Variants in NTSR2 observed in about 807,000 individuals in gnomAD.
The protein encoded by NTSR2 is neurotensin receptor type 2.
Under a neutral mutation model 24.1 loss-of-function variants are expected in NTSR2, and 22 were observed. That is an observed-to-expected ratio of 0.91 (90% CI 0.65 to 1.30). The LOEUF (loss-of-function observed/expected upper bound fraction) is 1.30. NTSR2 is among the 50% of genes most tolerant of loss of function. The probability of loss-of-function intolerance (pLI) is 0.00; values close to 1 mark genes in which losing one functional copy is unlikely to be tolerated. For missense variants in NTSR2, 570 were observed against 570.4 expected, an observed-to-expected ratio of 1.00 and a Z score of 0.01; for synonymous variants, 291 against 267.0, an observed-to-expected ratio of 1.09 and a Z score of -0.88.
At chr2:11,665,165 T>C (rs575002684) in intron 1 of NTSR2, among the ~76,000 whole-genome samples, 197 of 150,584 alleles carry the variant, frequency 1.3e-3, no homozygotes, top group Non-Finnish European at 2.7e-3. Flanking sequence ...CTCCCAGGCA[T>C]TGTGGAAATA....
chr2:11,669,932 C>T lies in NTSR2; in HGVS notation c.198G>A (p.Gly66=), dbSNP rs778093070. 3.7e-4 allele frequency: 568 copies of T among 1,524,834 alleles called. No homozygotes were observed. The highest frequency in any genetic ancestry group is 4.6e-4 in the Non-Finnish European group (527 of 1,142,646). 94.5% of individuals were successfully genotyped at this position (1,524,834 alleles called of 1,614,324 possible). A position where few individuals can be genotyped will look rare whatever the true frequency, so the allele number is the denominator to read the frequency against. The part of the protein sequence containing the change: ...VVLKARAGRA[G]RLRHHVLSLA... ...GGCTGAGCACGTGGTGGCGCAGGCG[C>T]CCCGCGCGCCCGGCCCGCGCCTTCA... The change falls in exon 1 of 4, where the codon GGG becomes GGA. Residue 66 remains glycine, a synonymous_variant. Transcript: ENST00000306928.
chr2:11,661,633 C>A (rs570792532), intron 2 of NTSR2, among the ~76,000 whole-genome samples: 1 of 152,288 alleles, frequency 6.6e-6, no homozygotes, highest in South Asian at 2.1e-4. Flanking sequence ...ATCTGAGAGT[C>A]CACAATTTGC....
chr2:11,658,815 G>T, intron 3 of NTSR2, 93 bp from the exon 4 acceptor site: 1 of 1,383,378 alleles, frequency 7.2e-7, no homozygotes, highest in Non-Finnish European at 9.9e-7. Flanking sequence ...CCAGAGGGCT[G>T]CATGACGAAG....
rs1019047940 is a variant in NTSR2 at position 11,670,137 on chromosome 2, C to T, written c.-8G>A. The T allele has an allele frequency of 8.0e-6, 11 of 1,367,582 alleles. No individual in the cohort carries two copies. The highest frequency in any genetic ancestry group is 1.5e-5 in the African/African-American group (1 of 65,156). 84.7% of individuals were successfully genotyped at this position (1,367,582 alleles called of 1,614,324 possible). ...CGGGCTGCTGGTTTCCATCCCGCTC[C>T]CGCGGCCGGCGCTCCCTCCCTCTCA... On this transcript the variant is annotated 5_prime_UTR_variant, in exon 1 of 4. Coordinates refer to ENST00000306928, the MANE Select transcript of NTSR2 (RefSeq NM_012344.4).
Position 11,669,549 on chromosome 2 carries a change from C to T in NTSR2, c.581G>A (p.Cys194Tyr). The T allele has an allele frequency of 6.5e-7, 1 of 1,542,040 alleles. No homozygotes were observed. Among genetic ancestry groups the T allele is most frequent in the Non-Finnish European group, 8.7e-7 (1 of 1,153,054 alleles). ...DGEPEPASRV[C>Y]TVLVSRTALQ... ...CGCGGTGCGGCTCACCAGCACCGTG[C>T]ACACTCGCGAGGCGGGCTCCGGCTC... The change falls in exon 1 of 4, where the codon TGC (cysteine) becomes TAC (tyrosine). Residue 194 changes from cysteine to tyrosine, a missense_variant. Transcript: ENST00000306928.
intron 1 of NTSR2, 46 bp downstream of exon 1, chr2:11,669,460 G>GGGCGGGGGGGGGGGGCCCCC: frequency 3.9e-6 from 1 of 254,726 alleles, no homozygotes; most frequent in Non-Finnish European, 6.9e-6. Context: ...TCCCAGCACC[G>GGGCGGGGGGGGGGGGCCCCC]CCCCCCCACC....
At chr2:11,663,426 CTGGTA>C (rs966473429) in intron 1 of NTSR2, among the ~76,000 whole-genome samples, 16 of 152,178 alleles carry the variant, frequency 1.1e-4, no homozygotes, top group Admixed American at 9.2e-4. Flanking sequence ...AAAGATGAAA[CTGGTA>C]GATTATCTAA....
rs773177188 is a variant in NTSR2 at position 11,658,553 on chromosome 2, G to T, written c.1159C>A (p.Pro387Thr). The part of the protein sequence containing the change: ...CGEHHPMKRL[P>T]PKPQSPTLMD... ...AGGGTGGGACTCTGGGGCTTCGGGGGTAACCGCTTCATGGGGTGGTGCTCT... is the reference window on the plus strand; with the variant it reads ...AGGGTGGGACTCTGGGGCTTCGGGGTTAACCGCTTCATGGGGTGGTGCTCT... The change falls in exon 4 of 4, where the codon CCC becomes ACC. Residue 387 changes from proline to threonine, a missense_variant. Coordinates refer to ENST00000306928, the MANE Select transcript of NTSR2 (RefSeq NM_012344.4). 4 of 1,614,224 alleles carry T rather than the reference G, an allele frequency of 2.5e-6. No homozygotes were observed. In the South Asian group the frequency reaches 4.4e-5, roughly 18 times the overall value.
chr2:11,668,003 G>T (rs1421953207), intron 1 of NTSR2, among the ~76,000 whole-genome samples: 1 of 152,238 alleles, frequency 6.6e-6, no homozygotes, highest in Non-Finnish European at 1.5e-5. Context: ...ACTCCACAGA[G>T]GTACACTTCT....
intron 1 of NTSR2, among the ~76,000 whole-genome samples, chr2:11,663,914 G>T (rs536547015): frequency 3.3e-5 from 5 of 152,186 alleles, no homozygotes; most frequent in African/African-American, 4.8e-5. Context: ...ATGAATCAGA[G>T]TATGGAGAAT....
intron 1 of NTSR2, 48 bp downstream of exon 1, chr2:11,669,458 C>CCGGGGGGGGGGGGGGGGGGG: frequency 6.2e-6 from 2 of 323,366 alleles, no homozygotes; most frequent in African/African-American, 2.4e-5. Flanking sequence ...CCTCCCAGCA[C>CCGGGGGGGGGGGGGGGGGGG]CGCCCCCCCA....
intron 2 of NTSR2, 27 bp downstream of exon 2, chr2:11,661,940 C>T: frequency 1.1e-5 from 17 of 1,522,672 alleles, no homozygotes; most frequent in Non-Finnish European, 1.5e-5. Context: ...CCCCTTTCTT[C>T]TGGGGTGATG....
rs954861996 is a variant in NTSR2, at chr2:11,658,252, C to G, written c.*227G>C. On this transcript the variant is annotated 3_prime_UTR_variant, in exon 4 of 4. Coordinates refer to ENST00000306928, the MANE Select transcript of NTSR2 (RefSeq NM_012344.4). ...CTAAGCACTTTAGTCTCAGGCAACA[C>G]TAAGAGATGGGTGCTGTTCTTTATC... 4.1e-5 allele frequency: 20 copies of G among 483,560 alleles called. No homozygotes were observed. The highest frequency in any genetic ancestry group is 5.3e-4 in the Middle Eastern group (1 of 1,886). The allele number at this position is 483,560 out of a possible 1,614,324, so 30.0% of individuals were successfully genotyped here.
chr2:11,669,968 C>A lies in NTSR2; in HGVS notation c.162G>T (p.Ala54=), dbSNP rs1437599155. The change falls in exon 1 of 4, where the codon GCG becomes GCT. Residue 54 remains alanine, a synonymous_variant. Coordinates refer to ENST00000306928, the MANE Select transcript of NTSR2 (RefSeq NM_012344.4). ...CGGCCCGCGCCTTCAGCACCACGTG[C>A]GCGGACAGCGCATTGCCCGCCGCGC... ...ALGAAGNALS[A]HVVLKARAGR... 6.6e-7 allele frequency: 1 copy of A among 1,513,986 alleles called. No individual in the cohort carries two copies. The highest frequency in any genetic ancestry group is 1.4e-5 in the African/African-American group (1 of 70,260). The allele number at this position is 1,513,986 out of a possible 1,614,324, so 93.8% of individuals were successfully genotyped here. A position where few individuals can be genotyped will look rare whatever the true frequency, so the allele number is the denominator to read the frequency against.
chr2:11,659,927 G>T, intron 3 of NTSR2, 116 bp downstream of exon 3: 1 of 753,944 alleles, frequency 1.3e-6, no homozygotes, highest in East Asian at 2.6e-5. Flanking sequence ...GTGGAATGCG[G>T]TCCAGGATTC....
In NTSR2 at chr2:11,658,677, T is replaced by C. The variant is rs756773817; in HGVS notation, c.1035A>G (p.Thr345=). ...TCACAGCTGAGCTGACGTAGAAAAG[T>C]GTGTTGGTCACCATGTAGAAGTAGT... The part of the protein sequence containing the change: ...FYHYFYMVTN[T]LFYVSSAVTP... Residue 345 remains threonine, a synonymous_variant, in exon 4 of 4, where the codon ACA becomes ACG. Transcript: ENST00000306928. 2.2e-5 allele frequency: 36 copies of C among 1,613,946 alleles called. No individual in the cohort carries two copies. In the South Asian group the frequency reaches 3.3e-4, roughly 15 times the overall value.
chr2:11,669,460 G>GGGGCCCGGCCCCCCCCCCCCCCC, intron 1 of NTSR2, 46 bp downstream of exon 1: 1 of 254,726 alleles, frequency 3.9e-6, no homozygotes. Context: ...TCCCAGCACC[G>GGGGCCCGGCCCCCCCCCCCCCCC]CCCCCCCACC....
intron 1 of NTSR2, 46 bp downstream of exon 1, chr2:11,669,460 G>GGGGCGGGGGCCCCC: frequency 3.9e-6 from 1 of 254,726 alleles, no homozygotes; most frequent in East Asian, 5.5e-5. Context: ...TCCCAGCACC[G>GGGGCGGGGGCCCCC]CCCCCCCACC....
Position 11,658,519 on chromosome 2 carries a change from G to A in NTSR2, c.1193C>T (p.Thr398Ile), listed in dbSNP as rs748915884. ...TGGGGGATCCCCAAAGCCTGAAGCT[G>A]TATCCATTAGGGTGGGACTCTGGGG... ...PKPQSPTLMD[T>I]ASGFGDPPET... The change falls in exon 4 of 4, where the codon ACA (threonine) becomes ATA (isoleucine). Residue 398 changes from threonine to isoleucine, a missense_variant. Physicochemically the swap from Thr to Ile is moderately conservative, Grantham distance 89. Transcript: ENST00000306928. 3 of 1,613,450 alleles carry A rather than the reference G, an allele frequency of 1.9e-6. No individual in the cohort carries two copies. The highest frequency in any genetic ancestry group is 2.7e-5 in the African/African-American group (2 of 74,914).
Sources: allele counts gnomAD v4.1 joint callset (sites outside exome capture counted in the v4.1 genomes callset), GRCh38; gene constraint gnomAD v4.1.1; transcripts MANE v1.5; gene names NCBI Gene and HGNC (gene_info 2026-07-23, HGNC 2026-07-21).